The following KCNQ3 variants were observed in gnomAD, a reference collection of about 807,000 sequenced individuals.
KCNQ3 encodes potassium voltage-gated channel subfamily KQT member 3.
In KCNQ3, 30 loss-of-function variants were observed where a neutral mutation model predicts 92.5. That is an observed-to-expected ratio of 0.32 (90% CI 0.24 to 0.44). The LOEUF (loss-of-function observed/expected upper bound fraction) is 0.44, where lower values mean the gene tolerates loss of function less well. Ranked by LOEUF, KCNQ3 falls within the 20% of genes least tolerant of loss-of-function variation. The pLI is 1.00. For missense variants in KCNQ3, 913 were observed against 1,140.3 expected, an observed-to-expected ratio of 0.80 and a Z score of 2.87; for synonymous variants, 450 against 468.8, an observed-to-expected ratio of 0.96 and a Z score of 0.52.
intron 9 of KCNQ3, among the ~76,000 whole-genome samples, chr8:132,156,073 T>C (rs1825788685): frequency 6.6e-6 from 1 of 152,104 alleles, no homozygotes; most frequent in Non-Finnish European, 1.5e-5. Context: ...ATGACACTGA[T>C]GTGAATGTGG....
intron 1 of KCNQ3, among the ~76,000 whole-genome samples, chr8:132,255,709 C>G (rs916335060): frequency 6.6e-6 from 1 of 152,164 alleles, no homozygotes; most frequent in Non-Finnish European, 1.5e-5. Context: ...GACTGAAAGA[C>G]TTATTGGTCC....
chr8:132,450,716 C>T (rs969466605), intron 1 of KCNQ3, among the ~76,000 whole-genome samples: 5 of 152,166 alleles, frequency 3.3e-5, no homozygotes, highest in African/African-American at 7.2e-5. Context: ...CAGGTGAATG[C>T]CCTTTGAGCC....
intron 9 of KCNQ3, 50 bp from the exon 10 acceptor site, chr8:132,141,381 TA>T (rs1323646363): frequency 4.6e-6 from 7 of 1,523,168 alleles, no homozygotes; most frequent in Non-Finnish European, 6.4e-6. Flanking sequence ...TGCAGGCTCT[TA>T]AAATTTCCCA....
Position 132,282,532 on chromosome 8 carries a change from C to T in KCNQ3, c.387-96351G>A, listed in dbSNP as rs183653018. Among the ~76,000 whole-genome samples the T allele has an allele frequency of 3.8e-3, 578 of 152,222 alleles. 4 individuals carry two copies. The highest frequency in any genetic ancestry group is 0.013 in the African/African-American group (534 of 41,520). On this transcript the variant is annotated intron_variant, in intron 1 of 14. Coordinates refer to ENST00000388996, the MANE Select transcript of KCNQ3 (RefSeq NM_004519.4). Reference sequence around the variant, plus strand: ...TCTTCTTTCTTCCCACAGTGCTTATCCCCCCTTGCTCTGCTCCCGCCCCCT... The same window carrying T: ...TCTTCTTTCTTCCCACAGTGCTTATTCCCCCTTGCTCTGCTCCCGCCCCCT...
At chr8:132,265,685 G>C (rs775741257) in intron 1 of KCNQ3, among the ~76,000 whole-genome samples, 1 of 152,150 alleles carries the variant, frequency 6.6e-6, no homozygotes, top group African/African-American at 2.4e-5. Flanking sequence ...TCAAATTGAC[G>C]TCATAGCACA....
At chr8:132,237,262 T>C (rs1814847082) in intron 1 of KCNQ3, among the ~76,000 whole-genome samples, 1 of 152,156 alleles carries the variant, frequency 6.6e-6, no homozygotes, top group Admixed American at 6.5e-5. Context: ...ATGATGATGA[T>C]GGTAGCTATG....
intron 1 of KCNQ3, among the ~76,000 whole-genome samples, chr8:132,450,130 C>G (rs961823487): frequency 6.6e-6 from 1 of 152,118 alleles, no homozygotes; most frequent in Non-Finnish European, 1.5e-5. Flanking sequence ...GGAAGGGGAC[C>G]CGAGTGGGTT....
intron 1 of KCNQ3, chr8:132,447,180 A>G (rs1337198656): frequency 6.5e-7 from 1 of 1,533,036 alleles, no homozygotes; most frequent in Non-Finnish European, 8.7e-7. Context: ...ATATCCCCAA[A>G]ATGAGAATCC....
intron 3 of KCNQ3, among the ~76,000 whole-genome samples, chr8:132,181,377 T>C (rs920187268): frequency 6.6e-6 from 1 of 152,224 alleles, no homozygotes; most frequent in Non-Finnish European, 1.5e-5. Context: ...TTATTAGTGT[T>C]ATTTATTTTT....
At chr8:132,192,548 C>A (rs556570847) in intron 1 of KCNQ3, among the ~76,000 whole-genome samples, 2 of 152,278 alleles carry the variant, frequency 1.3e-5, no homozygotes, top group South Asian at 4.2e-4. Context: ...TTGGTTTCCT[C>A]TCTCTACATT....
chr8:132,441,703 C>T (rs1563913519), intron 1 of KCNQ3, among the ~76,000 whole-genome samples: 1 of 152,156 alleles, frequency 6.6e-6, no homozygotes, highest in Non-Finnish European at 1.5e-5. Context: ...GCCATACTGC[C>T]TTCCACAATG....
intron 1 of KCNQ3, among the ~76,000 whole-genome samples, chr8:132,308,579 T>C (rs1241089581): frequency 1.3e-5 from 2 of 152,136 alleles, no homozygotes; most frequent in African/African-American, 4.8e-5. Context: ...GTAAGGGAAA[T>C]CAGACACTGT....
intron 1 of KCNQ3, among the ~76,000 whole-genome samples, chr8:132,262,435 A>C (rs1194481094): frequency 6.6e-6 from 1 of 152,218 alleles, no homozygotes; most frequent in Admixed American, 6.5e-5. Flanking sequence ...CTCAGCAATC[A>C]AGGTAAATAA....
Position 132,195,468 on chromosome 8 carries a change from C to T in KCNQ3, c.387-9287G>A, listed in dbSNP as rs544315619. On this transcript the variant is annotated intron_variant, in intron 1 of 14. Transcript: ENST00000388996. ...TTAGGGGGCCTTCAGTGCTACTCAG[C>T]CCTCTGAGCTGGAAAGAGGCAGCAA... is the stretch of plus-strand genomic sequence containing the variant. Among the ~76,000 whole-genome samples the T allele has an allele frequency of 5.4e-4, 83 of 152,300 alleles. 1 individual carries two copies. The highest frequency in any genetic ancestry group is 2.0e-3 in the African/African-American group (82 of 41,570).
At chr8:132,238,817 A>G (rs556987503) in intron 1 of KCNQ3, among the ~76,000 whole-genome samples, 19 of 152,282 alleles carry the variant, frequency 1.2e-4, no homozygotes, top group Admixed American at 2.6e-4. Context: ...CCCCAGCCCA[A>G]TGCTGTGTAC....
chr8:132,158,025 T>A (rs112598810), intron 9 of KCNQ3, among the ~76,000 whole-genome samples: 12 of 152,226 alleles, frequency 7.9e-5, no homozygotes, highest in African/African-American at 2.9e-4. Context: ...CACCCCATTA[T>A]CCCAAGAGGA....
At chr8:132,318,286 C>T (rs1455450755) in intron 1 of KCNQ3, among the ~76,000 whole-genome samples, 2 of 152,124 alleles carry the variant, frequency 1.3e-5, no homozygotes, top group Non-Finnish European at 2.9e-5. Context: ...CAGGTTGTGC[C>T]TAAACAAAGC....
chr8:132,215,241 C>A (rs1473585819), intron 1 of KCNQ3, among the ~76,000 whole-genome samples: 1 of 152,158 alleles, frequency 6.6e-6, no homozygotes, highest in East Asian at 1.9e-4. Flanking sequence ...GGATTAATAA[C>A]AATATTTATC....
intron 11 of KCNQ3, 103 bp downstream of exon 11, chr8:132,139,973 C>G: frequency 2.5e-6 from 2 of 787,456 alleles, no homozygotes; most frequent in South Asian, 1.7e-5. Flanking sequence ...GGCTTCTCTT[C>G]CCCCTTCCCA....
Sources: gnomAD v4.1 joint callset for allele counts (sites outside exome capture counted in the v4.1 genomes callset) on GRCh38, gnomAD v4.1.1 for gene constraint, MANE v1.5 for transcripts, NCBI Gene and HGNC (gene_info 2026-07-23, HGNC 2026-07-21) for gene names.